FTO: variants seen among roughly 807,000 people sequenced by gnomAD.
FTO encodes FTO alpha-ketoglutarate dependent dioxygenase.
A neutral mutation model predicts 63.9 loss-of-function variants in FTO; 47 were observed. The ratio of observed to expected loss-of-function variants is 0.74; its 90% confidence interval spans 0.58 to 0.94. The LOEUF is 0.94. FTO is among the 40% of genes least tolerant of loss of function. The pLI is 0.00. For synonymous variants in FTO, 207 were observed against 224.4 expected (o/e 0.92, Z 0.69); for missense variants, 562 against 618.1 (o/e 0.91, Z 0.96).
intron 1 of FTO, among the ~76,000 whole-genome samples, chr16:53,749,605 A>AT (rs1015583603): frequency 2.0e-5 from 3 of 151,676 alleles, no homozygotes; most frequent in African/African-American, 4.8e-5. Flanking sequence ...CGCCCGGCCA[A>AT]TTTTTTTGTA....
rs983009143 is a variant in FTO at position 53,827,942 on chromosome 16, A to G, written c.751+1451A>G. On this transcript the variant is annotated intron_variant, in intron 3 of 8. Coordinates refer to ENST00000471389, the MANE Select transcript of FTO (RefSeq NM_001080432.3). ...GTGGTATGTGATAGTACAAAGCTCT[A>G]CAAAGATGTCTTTGTGCTCCCAATT... Among the ~76,000 whole-genome samples, 5 of 152,222 alleles carry G rather than the reference A, an allele frequency of 3.3e-5. No homozygotes were observed. The East Asian group carries it at 9.6e-4, about 29-fold the overall frequency.
chr16:53,846,531 T>A (rs1349010348), intron 4 of FTO, among the ~76,000 whole-genome samples: 1 of 152,196 alleles, frequency 6.6e-6, no homozygotes, highest in Non-Finnish European at 1.5e-5. Context: ...CTGGGTGCTA[T>A]GGCTCACACC....
At chr16:54,057,673 A>G (rs2085467961) in intron 8 of FTO, among the ~76,000 whole-genome samples, 1 of 151,536 alleles carries the variant, frequency 6.6e-6, no homozygotes, top group Non-Finnish European at 1.5e-5. Context: ...GGGTTTCACC[A>G]TGTTGCCCAG....
intron 1 of FTO, among the ~76,000 whole-genome samples, chr16:53,756,075 C>T (rs903403206): frequency 2.0e-5 from 3 of 152,166 alleles, no homozygotes; most frequent in African/African-American, 4.8e-5. Context: ...AAAACTTAAA[C>T]AGGTTCCTTT....
Position 53,810,170 on chromosome 16 carries a change from A to G in FTO, c.76A>G (p.Thr26Ala), listed in dbSNP as rs1294612571. ...GAGGCTTCTTGAAGAGCTTGAAGAC[A>G]CTTGGCTCCCTTATCTGACCCCCAA... ...KLRLLEELED[T>A]WLPYLTPKDD... Residue 26 changes from threonine to alanine, a missense_variant, in exon 2 of 9, where the codon ACT (threonine) becomes GCT (alanine). Coordinates refer to ENST00000471389, the MANE Select transcript of FTO (RefSeq NM_001080432.3). 1 of 1,611,794 alleles carries G rather than the reference A, an allele frequency of 6.2e-7. No homozygotes were observed. The highest frequency in any genetic ancestry group is 1.3e-5 in the African/African-American group (1 of 74,866).
chr16:53,963,393 A>AG (rs2083126242), intron 8 of FTO, among the ~76,000 whole-genome samples: 1 of 152,338 alleles, frequency 6.6e-6, no homozygotes, highest in Admixed American at 6.5e-5. Context: ...GGAAGACCTC[A>AG]GCATGCAAGC....
intron 8 of FTO, among the ~76,000 whole-genome samples, chr16:53,943,259 TAAG>T (rs2082575527): frequency 1.3e-5 from 2 of 152,188 alleles, no homozygotes; most frequent in African/African-American, 4.8e-5. Flanking sequence ...CAACTTATCT[TAAG>T]GAGGCAAGTG....
chr16:53,907,474 G>A (rs1023256269), intron 7 of FTO, among the ~76,000 whole-genome samples: 4 of 152,098 alleles, frequency 2.6e-5, no homozygotes, highest in East Asian at 1.9e-4. Flanking sequence ...ACTGTGTGTC[G>A]CTAACCTGGC....
chr16:53,882,235 G>A lies in FTO; in HGVS notation c.1119+2248G>A, dbSNP rs191242841. Among the ~76,000 whole-genome samples the A allele has an allele frequency of 5.7e-3, 863 of 152,196 alleles. 7 individuals carry two copies. Among genetic ancestry groups the A allele is most frequent in the Non-Finnish European group, 8.9e-3 (604 of 68,002 alleles). On this transcript the variant is annotated intron_variant, in intron 6 of 8. Transcript: ENST00000471389. ...CTTTCTATAATTAATTACTGAGCAC[G>A]TGCCAGACACTCTTCTGGGCGCTTT... is the stretch of plus-strand genomic sequence containing the variant.
intron 1 of FTO, among the ~76,000 whole-genome samples, chr16:53,800,633 T>C (rs1319427043): frequency 1.3e-5 from 2 of 151,912 alleles, no homozygotes; most frequent in Non-Finnish European, 2.9e-5. Flanking sequence ...CTTTCAGTTT[T>C]TGCTGCATGT....
intron 8 of FTO, among the ~76,000 whole-genome samples, chr16:53,987,140 A>G (rs903667367): frequency 6.6e-6 from 1 of 152,218 alleles, no homozygotes; most frequent in Non-Finnish European, 1.5e-5. Context: ...ATTAAAAAAA[A>G]GGATATACAG....
chr16:54,059,772 C>A (rs1421963400), intron 8 of FTO, among the ~76,000 whole-genome samples: 1 of 152,220 alleles, frequency 6.6e-6, no homozygotes, highest in African/African-American at 2.4e-5. Context: ...ACCCTCAGAG[C>A]TACTCTCTAT....
chr16:53,891,179 A>C (rs1279009268), intron 7 of FTO, among the ~76,000 whole-genome samples: 1 of 151,870 alleles, frequency 6.6e-6, no homozygotes, highest in South Asian at 2.1e-4. Flanking sequence ...TTTAGTAGAG[A>C]TGGGGTTTCA....
intron 7 of FTO, among the ~76,000 whole-genome samples, chr16:53,891,331 G>A (rs1162185246): frequency 6.9e-6 from 1 of 144,944 alleles, no homozygotes; most frequent in African/African-American, 2.6e-5. Flanking sequence ...AAAAAAAATT[G>A]TTTTTGTTCA....
chr16:53,810,311 C>T, intron 2 of FTO, 94 bp downstream of exon 2: 2 of 865,960 alleles, frequency 2.3e-6, no homozygotes, highest in Non-Finnish European at 3.9e-6. Flanking sequence ...GGTTAAATGA[C>T]AGGTGAAAAG....
chr16:53,831,054 T>G (rs534813387), intron 3 of FTO, among the ~76,000 whole-genome samples: 1 of 152,322 alleles, frequency 6.6e-6, no homozygotes, highest in East Asian at 1.9e-4. Context: ...GTCTTTGATT[T>G]GGGAAAAATT....
At chr16:54,101,159 A>G (rs1221843598) in intron 8 of FTO, among the ~76,000 whole-genome samples, 1 of 149,256 alleles carries the variant, frequency 6.7e-6, no homozygotes, top group Non-Finnish European at 1.5e-5. Context: ...GTTTAGGGGT[A>G]TGTGTGGAGG....
chr16:53,777,458 C>T (rs183046727), intron 1 of FTO, among the ~76,000 whole-genome samples: 3 of 152,060 alleles, frequency 2.0e-5, no homozygotes, highest in Non-Finnish European at 4.4e-5. Flanking sequence ...GTGTGGAATC[C>T]GAAGCTATCT....
At chr16:54,090,728 C>T (rs2086364303) in intron 8 of FTO, among the ~76,000 whole-genome samples, 1 of 152,190 alleles carries the variant, frequency 6.6e-6, no homozygotes, top group Non-Finnish European at 1.5e-5. Flanking sequence ...TTTATTATTC[C>T]TCATCTAAGA....
Sources: allele counts gnomAD v4.1 joint callset (sites outside exome capture counted in the v4.1 genomes callset), GRCh38; gene constraint gnomAD v4.1.1; transcripts MANE v1.5; gene names NCBI Gene and HGNC (gene_info 2026-07-23, HGNC 2026-07-21).